Variants in ANO10 observed in about 807,000 individuals in gnomAD.
The protein encoded by ANO10 is anoctamin 10.
In ANO10, 77 loss-of-function variants were observed where a neutral mutation model predicts 74.7. The ratio of observed to expected loss-of-function variants is 1.03; its 90% CI spans 0.86 to 1.25. The LOEUF is 1.25. ANO10 is among the 50% of genes most tolerant of loss of function. The pLI, the probability that ANO10 is intolerant of heterozygous loss-of-function variation, is 0.00. For synonymous variants in ANO10, 279 were observed against 284.9 expected (o/e 0.98, Z 0.21); for missense variants, 721 against 778.1 (o/e 0.93, Z 0.87).
chr3:43,391,938 C>A (rs928770527), intron 12 of ANO10, among the ~76,000 whole-genome samples: 2 of 152,112 alleles, frequency 1.3e-5, no homozygotes, highest in African/African-American at 4.8e-5. Context: ...TAATTTGTTA[C>A]CTAGCAATAG....
At chr3:43,575,690 T>G (rs1020808044) in intron 6 of ANO10, among the ~76,000 whole-genome samples, 7 of 152,186 alleles carry the variant, frequency 4.6e-5, no homozygotes, top group African/African-American at 1.7e-4. Context: ...CAGACTAGAC[T>G]GCAGTGGCAC....
At chr3:43,666,944 T>C (rs1463564829) in intron 1 of ANO10, among the ~76,000 whole-genome samples, 1 of 150,324 alleles carries the variant, frequency 6.7e-6, no homozygotes, top group Non-Finnish European at 1.5e-5. Context: ...TCTTTCTCCA[T>C]CCATTTATTT....
intron 1 of ANO10, among the ~76,000 whole-genome samples, chr3:43,671,297 G>A (rs2084056210): frequency 6.6e-6 from 1 of 152,124 alleles, no homozygotes; most frequent in Admixed American, 6.5e-5. Context: ...CTATTCTCAT[G>A]GAATTATTAT....
intron 4 of ANO10, among the ~76,000 whole-genome samples, chr3:43,581,227 TAC>T (rs1218874823): frequency 5.3e-5 from 8 of 152,222 alleles, no homozygotes; most frequent in Non-Finnish European, 1.2e-4. Context: ...TTCTTGTTGA[TAC>T]AGAGTATTTT....
chr3:43,449,077 G>A (rs770180638), intron 11 of ANO10, among the ~76,000 whole-genome samples: 23 of 151,944 alleles, frequency 1.5e-4, no homozygotes, highest in East Asian at 7.7e-4. Context: ...GGGTTTCACC[G>A]TGTTAGCCAG....
intron 11 of ANO10, among the ~76,000 whole-genome samples, chr3:43,504,262 G>A (rs1157404307): frequency 6.6e-6 from 1 of 150,550 alleles, no homozygotes; most frequent in Non-Finnish European, 1.5e-5. Flanking sequence ...GTAAAACTCC[G>A]CCTCAAAAAA....
intron 11 of ANO10, among the ~76,000 whole-genome samples, chr3:43,456,249 C>T (rs1294534576): frequency 6.6e-6 from 1 of 152,168 alleles, no homozygotes; most frequent in African/African-American, 2.4e-5. Flanking sequence ...CTCTCAGCTG[C>T]ATTTTTGAGT....
chr3:43,489,400 G>T (rs1170347909), intron 11 of ANO10, among the ~76,000 whole-genome samples: 1 of 152,064 alleles, frequency 6.6e-6, no homozygotes, highest in Non-Finnish European at 1.5e-5. Context: ...TAACCTTAAG[G>T]TGGTATATAA....
intron 11 of ANO10, chr3:43,485,821 CG>C: frequency 7.2e-6 from 2 of 279,616 alleles, no homozygotes; most frequent in South Asian, 6.7e-5. Flanking sequence ...TGTGGCATTC[CG>C]GGGTGTGCAG....
intron 1 of ANO10, among the ~76,000 whole-genome samples, chr3:43,686,948 T>C (rs1575593733): frequency 6.6e-6 from 1 of 151,740 alleles, no homozygotes; most frequent in South Asian, 2.1e-4. Flanking sequence ...CAATTCAACA[T>C]GATCCACAGA....
upstream of ANO10, among the ~76,000 whole-genome samples, chr3:43,625,925 C>G (rs2083487034): frequency 6.6e-6 from 1 of 151,708 alleles, no homozygotes; most frequent in African/African-American, 2.4e-5. Flanking sequence ...CTCCACCTCT[C>G]TCTCTCTTCA....
intron 11 of ANO10, among the ~76,000 whole-genome samples, chr3:43,477,772 T>C (rs2076122408): frequency 6.6e-6 from 1 of 152,202 alleles, no homozygotes; most frequent in African/African-American, 2.4e-5. Context: ...GTGGCCTTCC[T>C]GTTTGGGCAA....
At chr3:43,657,354 C>A (rs2083869479) in intron 1 of ANO10, among the ~76,000 whole-genome samples, 1 of 152,194 alleles carries the variant, frequency 6.6e-6, no homozygotes, top group African/African-American at 2.4e-5. Flanking sequence ...TCCATTGGCC[C>A]ATGTTGATCC....
At chr3:43,490,265 C>T (rs1173857648) in intron 11 of ANO10, among the ~76,000 whole-genome samples, 1 of 152,166 alleles carries the variant, frequency 6.6e-6, no homozygotes, top group African/African-American at 2.4e-5. Context: ...AAAAGTCTTG[C>T]ATGGTGTGTG....
chr3:43,667,432 A>T (rs1007458066), intron 1 of ANO10, among the ~76,000 whole-genome samples: 15 of 152,174 alleles, frequency 9.9e-5, no homozygotes, highest in African/African-American at 3.6e-4. Flanking sequence ...ATTGTTTTTT[A>T]AAATTTTTTG....
Position 43,565,644 on chromosome 3 carries a change from T to C in ANO10, c.1293+9A>G, listed in dbSNP as rs7616708. The C allele has an allele frequency of 0.62, 969,223 of 1,563,326 alleles. 305,625 individuals are homozygous for C. The highest frequency in any genetic ancestry group is 0.9 in the East Asian group (38,123 of 42,496). Reference sequence around the variant, plus strand: ...AAAAAATTGGTATTTTTCTGTTATTTTTACTTACCTGGCGCAAAAGCTTCA... The same window carrying C: ...AAAAAATTGGTATTTTTCTGTTATTCTTACTTACCTGGCGCAAAAGCTTCA... On this transcript the variant is annotated intron_variant, in intron 8 of 12. Transcript: ENST00000292246.
intron 1 of ANO10, chr3:43,690,650 G>A (rs1442067677): frequency 7.0e-6 from 2 of 283,734 alleles, no homozygotes; most frequent in African/African-American, 2.2e-5. Flanking sequence ...AGCCAACACC[G>A]ACGGGGTGAT....
intron 11 of ANO10, among the ~76,000 whole-genome samples, chr3:43,503,158 G>A (rs1029384203): frequency 2.6e-5 from 4 of 152,178 alleles, no homozygotes; most frequent in African/African-American, 9.7e-5. Context: ...GAACACTACA[G>A]TTATGGATGT....
chr3:43,580,614 T>A (rs2081224821), intron 4 of ANO10, 142 bp from the exon 5 acceptor site: 2 of 971,312 alleles, frequency 2.1e-6, no homozygotes, highest in South Asian at 2.9e-5. Flanking sequence ...ACCTGTATAT[T>A]CTTTCATTTT....
Sources: allele counts gnomAD v4.1 joint callset (sites outside exome capture counted in the v4.1 genomes callset), GRCh38; gene constraint gnomAD v4.1.1; transcripts MANE v1.5; gene names NCBI Gene and HGNC (gene_info 2026-07-23, HGNC 2026-07-21).